The following TET2 variants were observed in gnomAD, a reference collection of about 807,000 sequenced individuals.
TET2 encodes methylcytosine dioxygenase TET2.
Under a neutral mutation model 142.9 loss-of-function variants are expected in TET2, and 299 were observed. The observed-to-expected ratio is 2.09, with a 90% CI of 1.90 to 2.30. The LOEUF is 2.30. Among genes scored for constraint, TET2 ranks in the 30% most tolerant of loss-of-function variants. The pLI is 0.00. For synonymous variants in TET2, 819 were observed against 849.0 expected (o/e 0.96, Z 0.61); for missense variants, 2,418 against 2,378.0 (o/e 1.02, Z -0.35).
chr4:105,186,920 T>G (rs1204525395), intron 1 of TET2, among the ~76,000 whole-genome samples: 9 of 152,238 alleles, frequency 5.9e-5, no homozygotes, highest in Non-Finnish European at 1.2e-4. Flanking sequence ...AGGAACTATA[T>G]TCTAGCAAGA....
intron 1 of TET2, among the ~76,000 whole-genome samples, chr4:105,178,756 A>G (rs1724952416): frequency 1.3e-5 from 2 of 152,176 alleles, no homozygotes; most frequent in Admixed American, 1.3e-4. Context: ...ATGCACATGT[A>G]CCCTAAAACT....
intron 6 of TET2, among the ~76,000 whole-genome samples, chr4:105,259,373 CT>C (rs1730302364): frequency 6.6e-6 from 1 of 152,110 alleles, no homozygotes; most frequent in Non-Finnish European, 1.5e-5. Context: ...GTGGGTTCTA[CT>C]TAACTGGGTA....
Position 105,236,394 on chromosome 4 carries a change from C to G in TET2, c.2452C>G (p.Pro818Ala). Residue 818 changes from proline to alanine, a missense_variant, in exon 3 of 11, where the codon CCT becomes GCT. By Grantham distance (27) the Pro-to-Ala change is conservative. Coordinates refer to ENST00000380013, the MANE Select transcript of TET2 (RefSeq NM_001127208.3). ...ACAGAATATAAATCGTAGAAATTCC[C>G]CTTATAGTCAGACCATGAAATCAAG... ...EVQNINRRNS[P>A]YSQTMKSSAC... The G allele has an allele frequency of 6.2e-7, 1 of 1,613,916 alleles. No homozygotes were observed. Among genetic ancestry groups the G allele is most frequent in the South Asian group, 1.1e-5 (1 of 91,068 alleles).
chr4:105,217,139 A>T (rs1727542504), intron 2 of TET2, among the ~76,000 whole-genome samples: 1 of 152,000 alleles, frequency 6.6e-6, no homozygotes, highest in Non-Finnish European at 1.5e-5. Flanking sequence ...ATTATATCCT[A>T]TGAACAGACC....
Position 105,242,703 on chromosome 4 carries a change from A to T in TET2, c.3501-131A>T, listed in dbSNP as rs1351844283. ...TTTGCTTGGCGTAGACCTGTTTAAA[A>T]AATAATAAACCGTTCATTTCTCAGG... On this transcript the variant is annotated intron_variant, in intron 4 of 10. Transcript: ENST00000380013. The T allele has an allele frequency of 7.6e-6, 11 of 1,449,906 alleles. No homozygotes were observed. The East Asian group carries it at 2.5e-4, about 34-fold the overall frequency. The allele number at this position is 1,449,906 out of a possible 1,614,324, so 89.8% of individuals were successfully genotyped here.
chr4:105,203,323 G>T (rs192559764), intron 2 of TET2, among the ~76,000 whole-genome samples: 150 of 152,302 alleles, frequency 9.8e-4, no homozygotes, highest in African/African-American at 3.5e-3. Flanking sequence ...AGCACCAAAA[G>T]TTGGAAAAGG....
At chr4:105,171,019 A>G (rs1724435874) in intron 1 of TET2, among the ~76,000 whole-genome samples, 1 of 152,152 alleles carries the variant, frequency 6.6e-6, no homozygotes, top group African/African-American at 2.4e-5. Context: ...ATGATGAGAA[A>G]ATATCTTTTC....
Position 105,243,620 on chromosome 4 carries a change from GCGAGCTGGCCACACC to G in TET2, c.3646_3660del (p.Arg1216_Thr1220del). 1 of 1,551,640 alleles carries G rather than the reference GCGAGCTGGCCACACC, an allele frequency of 6.4e-7. No individual in the cohort carries two copies. The highest frequency in any genetic ancestry group is 8.7e-7 in the Non-Finnish European group (1 of 1,146,960). On this transcript the variant is annotated inframe_deletion, in exon 6 of 11. Transcript: ENST00000380013. ...AGAAGCTACTGTGTTTGGTGCGGGA[GCGAGCTGGCCACACC>G]TGTGAGGCTGCAGTGATTGTGATTC...
In TET2 at chr4:105,277,201, G is replaced by C. The variant is rs1731266457; in HGVS notation, c.*682G>C. 1 of 229,638 alleles carries C rather than the reference G, an allele frequency of 4.4e-6. No homozygotes were observed. Among genetic ancestry groups the C allele is most frequent in the Middle Eastern group, 1.3e-3 (1 of 752 alleles). 14.2% of individuals were successfully genotyped at this position (229,638 alleles called of 1,614,324 possible). ...GCTATCAGTGTACTCCAGTGCCCTT[G>C]AATAATAGGGGTACCTTTTCATTCA... On this transcript the variant is annotated 3_prime_UTR_variant, in exon 11 of 11. Transcript: ENST00000380013.
chr4:105,207,362 C>T (rs141228675), intron 2 of TET2, among the ~76,000 whole-genome samples: 5 of 152,242 alleles, frequency 3.3e-5, no homozygotes, highest in African/African-American at 1.2e-4. Context: ...GTGAATAACT[C>T]AAACTGGAAA....
At position 105,278,013 on chromosome 4, in the gene TET2, A is replaced by G. The variant is rs987002170; in HGVS notation, c.*1494A>G. ...TTAGTTCCATGTGAATCTGTCAGTT[A>G]AAAAGAAACAAAAACAGGCAGCTGG... On this transcript the variant is annotated 3_prime_UTR_variant, in exon 11 of 11. Transcript: ENST00000380013. The G allele has an allele frequency of 2.3e-5, 5 of 214,812 alleles. No individual in the cohort carries two copies. The South Asian group carries it at 9.3e-4, about 40-fold the overall frequency. 13.3% of individuals were successfully genotyped at this position (214,812 alleles called of 1,614,324 possible).
At chr4:105,213,006 T>A (rs1404998438) in intron 2 of TET2, among the ~76,000 whole-genome samples, 2 of 151,880 alleles carry the variant, frequency 1.3e-5, no homozygotes, top group Non-Finnish European at 2.9e-5. Flanking sequence ...AAAAAAAAAA[T>A]TAATTTTCCC....
At chr4:105,190,833 T>C (rs1725742912) in intron 2 of TET2, 1 of 212,010 alleles carries the variant, frequency 4.7e-6, no homozygotes. Context: ...AACCAGTTGT[T>C]AGAGTATTTA....
chr4:105,151,587 C>T (rs1469678741), intron 1 of TET2, among the ~76,000 whole-genome samples: 2 of 151,538 alleles, frequency 1.3e-5, no homozygotes, highest in East Asian at 2.0e-4. Flanking sequence ...TGTGGTGGCT[C>T]ATTCTGGGAG....
chr4:105,176,785 A>T lies in TET2; in HGVS notation c.-192-13575A>T, dbSNP rs191193862. On this transcript the variant is annotated intron_variant, in intron 1 of 10. Transcript: ENST00000380013. ...AAAGGATTCTAAAGTTTATATGGAG[A>T]GGCAAAAGAGCAGAATAGCCAACTC... 1.6e-4 allele frequency among the ~76,000 whole-genome samples: 25 copies of T among 152,308 alleles called. No individual in the cohort carries two copies. In the South Asian group the frequency reaches 1.7e-3, roughly 10 times the overall value.
intron 2 of TET2, among the ~76,000 whole-genome samples, chr4:105,213,626 C>G (rs1393031799): frequency 6.6e-6 from 1 of 152,156 alleles, no homozygotes; most frequent in Non-Finnish European, 1.5e-5. Context: ...GTTCTTCTTT[C>G]ACTGCAAGTG....
chr4:105,266,087 G>GA (rs545373168), intron 8 of TET2, among the ~76,000 whole-genome samples: 15 of 152,112 alleles, frequency 9.9e-5, no homozygotes, highest in Non-Finnish European at 1.8e-4. Flanking sequence ...ACATGCATGT[G>GA]AAAAAACTGC....
chr4:105,160,326 G>A (rs1723784665), intron 1 of TET2, among the ~76,000 whole-genome samples: 1 of 151,904 alleles, frequency 6.6e-6, no homozygotes, highest in South Asian at 2.1e-4. Context: ...TACAAAGCAA[G>A]TTGAAATAAA....
At chr4:105,264,165 T>TGTCA (rs1730581786) in intron 8 of TET2, among the ~76,000 whole-genome samples, 4 of 152,074 alleles carry the variant, frequency 2.6e-5, no homozygotes, top group Non-Finnish European at 4.4e-5. Context: ...TTGTAAGTTA[T>TGTCA]TTTATGTCAA....
Sources: gnomAD v4.1 joint callset for allele counts (sites outside exome capture counted in the v4.1 genomes callset) on GRCh38, gnomAD v4.1.1 for gene constraint, MANE v1.5 for transcripts, NCBI Gene and HGNC (gene_info 2026-07-23, HGNC 2026-07-21) for gene names.